The following POFUT3 variants were observed in gnomAD, a reference collection of about 807,000 sequenced individuals.
POFUT3 encodes the protein GDP-fucose protein O-fucosyltransferase 3.
At chr8:33,396,202 C>T in the POFUT3 span, among the ~76,000 whole-genome samples, 4 of 152,248 alleles carry the variant, frequency 2.6e-5, no homozygotes, top group Middle Eastern at 0.01. Flanking sequence ...TCACTCTGGG[C>T]AATGCTACCC....
At chr8:33,326,980 G>A in the POFUT3 span, among the ~76,000 whole-genome samples, 2 of 152,204 alleles carry the variant, frequency 1.3e-5, no homozygotes, top group Non-Finnish European at 2.9e-5. Flanking sequence ...GTCTCACTAT[G>A]TTGCCCATGC....
the POFUT3 span, among the ~76,000 whole-genome samples, chr8:33,348,461 TG>T: frequency 6.6e-6 from 1 of 152,174 alleles, no homozygotes; most frequent in Admixed American, 6.5e-5. Flanking sequence ...TGTAGGTGTG[TG>T]GATGTGCACA....
At chr8:33,467,934 C>T in the POFUT3 span, among the ~76,000 whole-genome samples, 2 of 152,114 alleles carry the variant, frequency 1.3e-5, no homozygotes, top group Non-Finnish European at 2.9e-5. Context: ...ACACTCTGAG[C>T]TTTCCGAACC....
At chr8:33,428,213 G>C in the POFUT3 span, among the ~76,000 whole-genome samples, 1 of 152,180 alleles carries the variant, frequency 6.6e-6, no homozygotes, top group African/African-American at 2.4e-5. Context: ...ACATAAGGCT[G>C]TCTCTTCTTC....
chr8:33,347,221 G>A, the POFUT3 span, among the ~76,000 whole-genome samples: 9 of 152,112 alleles, frequency 5.9e-5, no homozygotes, highest in Admixed American at 1.3e-4. Flanking sequence ...CTGACACTTA[G>A]CTTCCTTTTC....
the POFUT3 span, among the ~76,000 whole-genome samples, chr8:33,426,884 A>G: frequency 6.6e-6 from 1 of 152,192 alleles, no homozygotes; most frequent in Admixed American, 6.5e-5. Context: ...GTGAGGACTC[A>G]GCCCCACTCA....
the POFUT3 span, among the ~76,000 whole-genome samples, chr8:33,467,939 C>T: frequency 8.5e-5 from 13 of 152,200 alleles, no homozygotes; most frequent in African/African-American, 2.9e-4. Flanking sequence ...CTGAGCTTTC[C>T]GAACCTGGTA....
the POFUT3 span, among the ~76,000 whole-genome samples, chr8:33,392,904 C>T: frequency 0.044 from 6,712 of 152,112 alleles, 485 homozygotes; most frequent in African/African-American, 0.15. Context: ...TCGCTTGAAC[C>T]TGGGAGGCAG....
chr8:33,441,148 T>G, the POFUT3 span, among the ~76,000 whole-genome samples: 1 of 151,824 alleles, frequency 6.6e-6, no homozygotes, highest in African/African-American at 2.4e-5. Flanking sequence ...CTGGCCAACA[T>G]GGTGAAACCC....
At chr8:33,461,513 G>T in the POFUT3 span, 1 of 1,610,488 alleles carries the variant, frequency 6.2e-7, no homozygotes, top group Admixed American at 1.7e-5. Context: ...TCTCTCGTCA[G>T]CCCAGAGCCC....
chr8:33,339,878 T>G, the POFUT3 span, among the ~76,000 whole-genome samples: 1 of 152,246 alleles, frequency 6.6e-6, no homozygotes, highest in South Asian at 2.1e-4. Context: ...GAAGGAAAAT[T>G]AAAATAACTT....
chr8:33,316,411 G>C, the POFUT3 span, among the ~76,000 whole-genome samples: 2 of 151,888 alleles, frequency 1.3e-5, no homozygotes, highest in African/African-American at 2.4e-5. Context: ...AGTGGGTTTT[G>C]AAAACCATTT....
chr8:33,465,293 T>C, the POFUT3 span, among the ~76,000 whole-genome samples: 2 of 152,084 alleles, frequency 1.3e-5, no homozygotes. Flanking sequence ...CTCAACCTTA[T>C]TTATAACCAC....
chr8:33,316,830 C>T, the POFUT3 span, among the ~76,000 whole-genome samples: 2 of 152,116 alleles, frequency 1.3e-5, no homozygotes, highest in South Asian at 2.1e-4. Context: ...GGAGCAATGA[C>T]TTCCTGTTCT....
At chr8:33,311,128 C>T in the POFUT3 span, among the ~76,000 whole-genome samples, 1 of 152,164 alleles carries the variant, frequency 6.6e-6, no homozygotes, top group Non-Finnish European at 1.5e-5. Flanking sequence ...AGACTATTCT[C>T]CTTGCTTTAT....
At chr8:33,309,167 A>AATAT in the POFUT3 span, among the ~76,000 whole-genome samples, 263 of 53,646 alleles carry the variant, frequency 4.9e-3, 3 homozygotes, top group African/African-American at 6.7e-3. Context: ...AAAAAAAAAA[A>AATAT]ATATATATAT....
chr8:33,394,678 A>T, the POFUT3 span, among the ~76,000 whole-genome samples: 1 of 152,158 alleles, frequency 6.6e-6, no homozygotes, highest in African/African-American at 2.4e-5. Flanking sequence ...AAATTAAAAA[A>T]AAAAAAAACA....
At chr8:33,341,325 C>T in the POFUT3 span, among the ~76,000 whole-genome samples, 1 of 150,706 alleles carries the variant, frequency 6.6e-6, no homozygotes, top group Non-Finnish European at 1.5e-5. Flanking sequence ...ATCCCAGCTA[C>T]TTGGGAGGAT....
the POFUT3 span, among the ~76,000 whole-genome samples, chr8:33,464,965 A>T: frequency 1.3e-5 from 2 of 152,194 alleles, no homozygotes; most frequent in Non-Finnish European, 2.9e-5. Context: ...TACTTAGTAG[A>T]TGCTTGTAGC....
Sources: allele counts gnomAD v4.1 joint callset (sites outside exome capture counted in the v4.1 genomes callset), GRCh38; gene constraint gnomAD v4.1.1; transcripts MANE v1.5; gene names NCBI Gene and HGNC (gene_info 2026-07-23, HGNC 2026-07-21).